The following GFRA1 variants were observed in gnomAD, a reference collection of about 807,000 sequenced individuals.
GFRA1 encodes the protein GDNF family receptor alpha 1.
In GFRA1, 16 loss-of-function variants were observed where a neutral mutation model predicts 51.6. The observed-to-expected ratio is 0.31, with a 90% confidence interval of 0.21 to 0.47. GFRA1 has a LOEUF of 0.47. GFRA1 is among the 20% of genes least tolerant of loss of function. The pLI, the probability that GFRA1 is intolerant of heterozygous loss-of-function variation, is 1.00. For synonymous variants in GFRA1, 270 were observed against 241.3 expected, an observed-to-expected ratio of 1.12 and a Z score of -1.10; for missense variants, 530 against 594.3, an observed-to-expected ratio of 0.89 and a Z score of 1.13.
intron 5 of GFRA1, among the ~76,000 whole-genome samples, chr10:116,181,542 G>A (rs1004121267): frequency 2.6e-5 from 4 of 152,158 alleles, no homozygotes; most frequent in Non-Finnish European, 5.9e-5. Context: ...ATCTCGATGA[G>A]CTATTCATTT....
At chr10:116,161,555 G>T (rs1364677657) in intron 5 of GFRA1, among the ~76,000 whole-genome samples, 1 of 152,196 alleles carries the variant, frequency 6.6e-6, no homozygotes, top group African/African-American at 2.4e-5. Flanking sequence ...ACCCCCAAAT[G>T]TCAAGGGTGG....
chr10:116,145,148 C>CAAAA (rs58509181), intron 5 of GFRA1, among the ~76,000 whole-genome samples: 661 of 28,658 alleles, frequency 0.023, 53 homozygotes, highest in African/African-American at 0.044. Flanking sequence ...GACTCTGTCT[C>CAAAA]AAAAAAAAAA....
rs558291925 is a variant in GFRA1 at position 116,165,334 on chromosome 10, G to A, written c.434-39777C>T. Among the ~76,000 whole-genome samples the A allele has an allele frequency of 8.3e-4, 121 of 146,216 alleles. 1 individual carries two copies. The South Asian group carries it at 9.7e-3, about 12-fold the overall frequency. On this transcript the variant is annotated intron_variant, in intron 5 of 10. Transcript: ENST00000355422. ...AATAAGAAGTCACTTCCATATGTTT[G>A]AAATGTTGGGTCCATTTCTCTCCTT... is the stretch of plus-strand genomic sequence containing the variant.
At chr10:116,202,032 C>T (rs981439204) in intron 5 of GFRA1, among the ~76,000 whole-genome samples, 31 of 152,274 alleles carry the variant, frequency 2.0e-4, no homozygotes, top group Admixed American at 5.9e-4. Flanking sequence ...CACAAAACAC[C>T]GATTCCTCCG....
At position 116,060,119 on chromosome 10, in the gene GFRA1, GC is replaced by G. The variant is rs1193582265; in HGVS notation, c.*4278del. 2 of 152,092 alleles carry G rather than the reference GC, an allele frequency of 1.3e-5. No individual in the cohort carries two copies. The highest frequency in any genetic ancestry group is 2.9e-5 in the Non-Finnish European group (2 of 68,024). 9.4% of individuals were successfully genotyped at this position (152,092 alleles called of 1,614,324 possible). On this transcript the variant is annotated 3_prime_UTR_variant, in exon 11 of 11. Coordinates refer to ENST00000355422, the MANE Select transcript of GFRA1 (RefSeq NM_005264.8). ...GAGTGGAAAAAAACACAGATTTAAA[GC>G]CTCTGCAGTGAGAATCTTTTTCAGA...
chr10:116,115,978 T>G (rs1308115573), intron 6 of GFRA1, among the ~76,000 whole-genome samples: 2 of 152,064 alleles, frequency 1.3e-5, no homozygotes, highest in African/African-American at 4.8e-5. Flanking sequence ...TGGTCTGAAG[T>G]CCAGGGACCC....
chr10:116,195,965 A>G (rs1366478322), intron 5 of GFRA1, among the ~76,000 whole-genome samples: 2 of 152,162 alleles, frequency 1.3e-5, no homozygotes, highest in African/African-American at 4.8e-5. Context: ...TATTTTGACA[A>G]ATATTTATTG....
At chr10:116,140,552 T>A (rs754389317) in intron 5 of GFRA1, among the ~76,000 whole-genome samples, 19 of 152,106 alleles carry the variant, frequency 1.2e-4, no homozygotes, top group Admixed American at 5.2e-4. Flanking sequence ...AAATTAAATG[T>A]GGCATTAGGA....
intron 5 of GFRA1, among the ~76,000 whole-genome samples, chr10:116,134,349 A>G (rs546604300): frequency 1.1e-3 from 175 of 152,310 alleles, no homozygotes; most frequent in African/African-American, 4.0e-3. Flanking sequence ...GTGTTTTCCC[A>G]GAAAATTAAA....
upstream of GFRA1, among the ~76,000 whole-genome samples, chr10:116,274,217 C>T (rs536247356): frequency 1.8e-4 from 22 of 124,850 alleles, 1 homozygote; most frequent in South Asian, 6.0e-3. Flanking sequence ...GGGGGGCGCC[C>T]GGGGCACCGA....
intron 9 of GFRA1, among the ~76,000 whole-genome samples, chr10:116,070,247 G>A (rs1453753132): frequency 1.3e-5 from 2 of 152,158 alleles, no homozygotes; most frequent in Non-Finnish European, 2.9e-5. Context: ...GCAATAAACA[G>A]AGAAATACAC....
intron 10 of GFRA1, among the ~76,000 whole-genome samples, chr10:116,064,789 G>A (rs1955019178): frequency 6.6e-6 from 1 of 152,088 alleles, no homozygotes; most frequent in Non-Finnish European, 1.5e-5. Context: ...TCTTCCATTA[G>A]GAATTATTAA....
chr10:116,231,671 T>C (rs967352388), intron 4 of GFRA1, among the ~76,000 whole-genome samples: 14 of 152,248 alleles, frequency 9.2e-5, no homozygotes, highest in African/African-American at 3.1e-4. Context: ...CCTTTGTCTT[T>C]TGTTTTAACT....
At chr10:116,119,820 G>C (rs1345393974) in intron 6 of GFRA1, among the ~76,000 whole-genome samples, 1 of 152,250 alleles carries the variant, frequency 6.6e-6, no homozygotes, top group Non-Finnish European at 1.5e-5. Flanking sequence ...AATTATGGGA[G>C]CAGAAATTCG....
At chr10:116,131,472 A>G (rs1257434095) in intron 5 of GFRA1, among the ~76,000 whole-genome samples, 1 of 152,232 alleles carries the variant, frequency 6.6e-6, no homozygotes, top group Non-Finnish European at 1.5e-5. Context: ...ATACCAGCAT[A>G]TTGATAATAA....
intron 4 of GFRA1, among the ~76,000 whole-genome samples, chr10:116,261,388 A>G (rs561289512): frequency 1.2e-4 from 18 of 152,318 alleles, no homozygotes; most frequent in African/African-American, 4.3e-4. Flanking sequence ...CAGTGGTTTT[A>G]TTTATCCCTT....
At chr10:116,265,922 G>A (rs912702984) in intron 4 of GFRA1, among the ~76,000 whole-genome samples, 9 of 152,132 alleles carry the variant, frequency 5.9e-5, no homozygotes, top group African/African-American at 1.9e-4. Flanking sequence ...AAAGGCTTCC[G>A]CTCTCAGGTT....
At chr10:116,177,095 T>G (rs946546705) in intron 5 of GFRA1, among the ~76,000 whole-genome samples, 1 of 152,024 alleles carries the variant, frequency 6.6e-6, no homozygotes, top group Non-Finnish European at 1.5e-5. Flanking sequence ...ACACAGAGGA[T>G]GGGGCAGAAA....
At chr10:116,214,377 T>C (rs998474816) in intron 4 of GFRA1, among the ~76,000 whole-genome samples, 3 of 152,230 alleles carry the variant, frequency 2.0e-5, no homozygotes, top group Admixed American at 1.3e-4. Flanking sequence ...TTGTGGGTCC[T>C]ACCTGCCTGG....
Sources: allele counts gnomAD v4.1 joint callset (sites outside exome capture counted in the v4.1 genomes callset), GRCh38; gene constraint gnomAD v4.1.1; transcripts MANE v1.5; gene names NCBI Gene and HGNC (gene_info 2026-07-23, HGNC 2026-07-21).